Variants in FERMT1 observed in about 807,000 individuals in gnomAD.
FERMT1 encodes fermitin family homolog 1.
A neutral mutation model predicts 85.3 loss-of-function variants in FERMT1; 60 were observed. The observed-to-expected ratio is 0.70, with a 90% CI of 0.57 to 0.87. FERMT1 has a LOEUF of 0.87. FERMT1 is among the 40% of genes least tolerant of loss of function. FERMT1 has a pLI of 0.00. For missense variants in FERMT1, 701 were observed against 818.9 expected (o/e 0.86, Z 1.76); for synonymous variants, 275 against 301.1 (o/e 0.91, Z 0.90).
intron 8 of FERMT1, among the ~76,000 whole-genome samples, chr20:6,095,966 GAAGTTAAACA>G (rs1215904743): frequency 1.3e-5 from 2 of 152,160 alleles, no homozygotes; most frequent in African/African-American, 4.8e-5. Flanking sequence ...TCCCATGGCC[GAAGTTAAACA>G]AAAGTGTGGC....
intron 2 of FERMT1, among the ~76,000 whole-genome samples, chr20:6,117,645 G>C (rs1983139799): frequency 6.6e-6 from 1 of 152,326 alleles, no homozygotes; most frequent in African/African-American, 2.4e-5. Context: ...TGTTGGTCAG[G>C]CTGGTCTCGA....
Position 6,110,331 on chromosome 20 carries a change from C to G in FERMT1, c.713G>C (p.Arg238Pro), listed in dbSNP as rs368612173. 1 of 1,613,218 alleles carries G rather than the reference C, an allele frequency of 6.2e-7. No individual in the cohort carries two copies. Among genetic ancestry groups the G allele is most frequent in the African/African-American group, 1.3e-5 (1 of 74,844 alleles). ...PEALADMYQP[R>P]SLVDKAKLNA... is the part of the protein sequence containing the mutation. ...GAGCTTGGCTTTATCAACCAGAGACCGAGGCTGGTACATATCCGCAAGTGC... is the reference window on the plus strand; with the variant it reads ...GAGCTTGGCTTTATCAACCAGAGACGGAGGCTGGTACATATCCGCAAGTGC... The change falls in exon 5 of 15, where the codon CGG becomes CCG. Residue 238 changes from arginine (R) to proline (P), a missense_variant. Arg to Pro is a moderately radical substitution (Grantham distance 103). Transcript: ENST00000217289.
intron 9 of FERMT1, 82 bp from the exon 10 acceptor site, chr20:6,089,171 G>A: frequency 7.3e-7 from 1 of 1,376,324 alleles, no homozygotes; most frequent in South Asian, 1.2e-5. Context: ...GATCAGATCA[G>A]ATGTTTGTGT....
intron 3 of FERMT1, 62 bp downstream of exon 3, chr20:6,115,749 T>A (rs1481013623): frequency 1.6e-6 from 2 of 1,248,608 alleles, no homozygotes; most frequent in Admixed American, 3.4e-5. Flanking sequence ...AATGCACACA[T>A]AATTTTCCTG....
At chr20:6,079,249 T>C (rs1981925252) in intron 14 of FERMT1, among the ~76,000 whole-genome samples, 187 bp downstream of exon 14, 1 of 152,232 alleles carries the variant, frequency 6.6e-6, no homozygotes, top group Non-Finnish European at 1.5e-5. Flanking sequence ...CAAGAGCATT[T>C]GGCCTGTGCC....
intron 2 of FERMT1, 139 bp from the exon 3 acceptor site, chr20:6,116,183 C>T (rs1262724620): frequency 1.4e-6 from 1 of 694,956 alleles, no homozygotes; most frequent in Non-Finnish European, 2.5e-6. Flanking sequence ...TTTTACAATT[C>T]AAGGCTTAAC....
At chr20:6,084,461 T>G (rs1480472531) in intron 12 of FERMT1, among the ~76,000 whole-genome samples, 1 of 152,150 alleles carries the variant, frequency 6.6e-6, no homozygotes, top group African/African-American at 2.4e-5. Context: ...TCTACATGAA[T>G]CAGCTCATCT....
At chr20:6,092,735 G>A (rs781284099) in intron 9 of FERMT1, among the ~76,000 whole-genome samples, 9 of 152,068 alleles carry the variant, frequency 5.9e-5, no homozygotes, top group Admixed American at 2.0e-4. Flanking sequence ...CTTTAGGCAG[G>A]CGCTTCAGTT....
intron 8 of FERMT1, among the ~76,000 whole-genome samples, chr20:6,096,402 G>A (rs112900345): frequency 3.0e-4 from 45 of 152,308 alleles, no homozygotes; most frequent in African/African-American, 1.0e-3. Flanking sequence ...GTGTGTGTCT[G>A]TAGTCCCAGC....
In FERMT1 at chr20:6,075,399, CG is replaced by C. The variant is rs1981787119; in HGVS notation, c.*1773del. 1 of 149,756 alleles carries C rather than the reference CG, an allele frequency of 6.7e-6. No individual in the cohort carries two copies. The highest frequency in any genetic ancestry group is 2.5e-5 in the African/African-American group (1 of 40,586). 9.3% of individuals were successfully genotyped at this position (149,756 alleles called of 1,614,324 possible). A position where few individuals can be genotyped will look rare whatever the true frequency, so the allele number is the denominator to read the frequency against. The stretch of plus-strand genomic sequence containing the variant: ...AGAAATGACCAACATCAAGTATATA[CG>C]GTACACTTAGCACTTGTTTCTATAG... On this transcript the variant is annotated 3_prime_UTR_variant, in exon 15 of 15. Coordinates refer to ENST00000217289, the MANE Select transcript of FERMT1 (RefSeq NM_017671.5).
intron 12 of FERMT1, among the ~76,000 whole-genome samples, chr20:6,084,696 T>C (rs996003153): frequency 2.1e-5 from 2 of 97,490 alleles, no homozygotes; most frequent in Non-Finnish European, 4.1e-5. Context: ...GAATTACTCC[T>C]TTTTTTTTTT....
chr20:6,113,146 T>A (rs527456232), intron 3 of FERMT1, among the ~76,000 whole-genome samples: 18 of 152,322 alleles, frequency 1.2e-4, no homozygotes, highest in South Asian at 4.1e-4. Context: ...ATAAGTCTCA[T>A]GAGATCTGAT....
chr20:6,113,153 T>C (rs1983005848), intron 3 of FERMT1, among the ~76,000 whole-genome samples: 1 of 152,164 alleles, frequency 6.6e-6, no homozygotes, highest in African/African-American at 2.4e-5. Context: ...TCATGAGATC[T>C]GATGGTTTTA....
intron 11 of FERMT1, among the ~76,000 whole-genome samples, chr20:6,085,733 C>A (rs539903233): frequency 6.6e-6 from 1 of 151,852 alleles, no homozygotes; most frequent in Admixed American, 6.6e-5. Context: ...GCCTGTAATC[C>A]CAGCTACTTG....
At chr20:6,096,146 T>C (rs1982492386) in intron 8 of FERMT1, among the ~76,000 whole-genome samples, 1 of 152,236 alleles carries the variant, frequency 6.6e-6, no homozygotes, top group South Asian at 2.1e-4. Flanking sequence ...CTTTTTGCAA[T>C]GTTCCAGAAA....
intron 9 of FERMT1, among the ~76,000 whole-genome samples, chr20:6,093,148 A>T (rs921641438): frequency 1.3e-5 from 2 of 152,086 alleles, no homozygotes; most frequent in Admixed American, 1.3e-4. Flanking sequence ...CTTAGTACTG[A>T]TGAGGAAAGA....
chr20:6,099,848 A>AT (rs1270271493), intron 6 of FERMT1, among the ~76,000 whole-genome samples: 2 of 146,146 alleles, frequency 1.4e-5, no homozygotes, highest in Non-Finnish European at 1.5e-5. Context: ...AAAAAAAAAA[A>AT]AAAATTATCC....
At chr20:6,078,207 T>A (rs1981887330) in intron 14 of FERMT1, among the ~76,000 whole-genome samples, 1 of 152,244 alleles carries the variant, frequency 6.6e-6, no homozygotes, top group African/African-American at 2.4e-5. Context: ...GGGTGTGGTC[T>A]AGGCAGTGGT....
chr20:6,089,453 T>A (rs1329165161), intron 9 of FERMT1, among the ~76,000 whole-genome samples: 2 of 152,178 alleles, frequency 1.3e-5, no homozygotes, highest in East Asian at 3.8e-4. Flanking sequence ...GAAGAGCTTA[T>A]CACAACACCT....
Sources: gnomAD v4.1 joint callset for allele counts (sites outside exome capture counted in the v4.1 genomes callset) on GRCh38, gnomAD v4.1.1 for gene constraint, MANE v1.5 for transcripts, NCBI Gene and HGNC (gene_info 2026-07-23, HGNC 2026-07-21) for gene names.